Variants in DDX43 observed in about 807,000 individuals in gnomAD.
DDX43 encodes DEAD-box helicase 43.
Under a neutral mutation model 84.9 loss-of-function variants are expected in DDX43, and 50 were observed. That is an observed-to-expected ratio of 0.59 (90% CI 0.47 to 0.75). DDX43 has a LOEUF of 0.75. DDX43 is among the 30% of genes least tolerant of loss of function. The pLI, the probability that DDX43 is intolerant of heterozygous loss-of-function variation, is 0.00. For synonymous variants in DDX43, 291 were observed against 266.3 expected (o/e 1.09, Z -0.90); for missense variants, 689 against 798.6 (o/e 0.86, Z 1.65).
rs559617944 is a variant in DDX43, at chr6:73,408,948, T to C, written c.1180-300T>C. Among the ~76,000 whole-genome samples, 4 of 152,346 alleles carry C rather than the reference T, an allele frequency of 2.6e-5. No homozygotes were observed. In the East Asian group the frequency reaches 7.7e-4, roughly 29 times the overall value. ...GACTTCTATTTGAAATTATCATGCATGTTTACTTTAAATTTTGGAAAATAG... is the reference window on the plus strand; with the variant it reads ...GACTTCTATTTGAAATTATCATGCACGTTTACTTTAAATTTTGGAAAATAG... On this transcript the variant is annotated intron_variant, in intron 9 of 16. Transcript: ENST00000370336.
At position 73,400,321 on chromosome 6, in the gene DDX43, G is replaced by A. The variant is rs749895377; in HGVS notation, c.394G>A (p.Val132Ile). Residue 132 changes from valine to isoleucine, a missense_variant, in exon 3 of 17, where the codon GTT becomes ATT. Coordinates refer to ENST00000370336, the MANE Select transcript of DDX43 (RefSeq NM_018665.3). ...AGCAAAAGCAGTGATAGACAATTTT[G>A]TTAAAAAGCTAGAAGAAAATTACAA... is the stretch of plus-strand genomic sequence containing the variant. ...TKAKAVIDNF[V>I]KKLEENYNSE... 6.2e-7 allele frequency: 1 copy of A among 1,606,890 alleles called. No individual in the cohort carries two copies. Among genetic ancestry groups the A allele is most frequent in the Non-Finnish European group, 8.5e-7 (1 of 1,177,690 alleles).
In DDX43 at chr6:73,406,433, A is replaced by G; in HGVS notation, c.877A>G (p.Thr293Ala). 6.2e-7 allele frequency: 1 copy of G among 1,613,792 alleles called. No homozygotes were observed. The highest frequency in any genetic ancestry group is 8.5e-7 in the Non-Finnish European group (1 of 1,179,736). Residue 293 changes from threonine (T) to alanine (A), a missense_variant, in exon 7 of 17, where the codon ACA becomes GCA. Thr to Ala is a moderately conservative substitution (Grantham distance 58). Coordinates refer to ENST00000370336, the MANE Select transcript of DDX43 (RefSeq NM_018665.3). ...IGVAQTGTGKTLCYLMPGFIH... is the reference protein window; with the variant it reads ...IGVAQTGTGKALCYLMPGFIH... ...AGTAGCCCAGACTGGAACAGGAAAG[A>G]CATTGTGTTATTTAATGCCTGGATT...
At chr6:73,411,501 G>A (rs1226207022) in intron 10 of DDX43, among the ~76,000 whole-genome samples, 10 of 151,388 alleles carry the variant, frequency 6.6e-5, no homozygotes, top group Admixed American at 5.9e-4. Flanking sequence ...ACTTATTTTT[G>A]TATTTTTAGT....
intron 16 of DDX43, among the ~76,000 whole-genome samples, chr6:73,416,471 G>C (rs80016090): frequency 0.011 from 1,697 of 152,238 alleles, 38 homozygotes; most frequent in African/African-American, 0.039. Context: ...TAATAGTCAA[G>C]GGTATACAAC....
chr6:73,412,767 A>G (rs1769828590), intron 11 of DDX43, among the ~76,000 whole-genome samples: 1 of 148,828 alleles, frequency 6.7e-6, no homozygotes, highest in African/African-American at 2.5e-5. Flanking sequence ...GTCTCACTGT[A>G]TTGCCCAGGC....
At chr6:73,396,606 A>G (rs930318129) in intron 1 of DDX43, among the ~76,000 whole-genome samples, 1 of 152,198 alleles carries the variant, frequency 6.6e-6, no homozygotes, top group African/African-American at 2.4e-5. Flanking sequence ...CATCTTTTTT[A>G]TTGTAAAAAA....
At chr6:73,404,075 T>C (rs1769628167) in intron 4 of DDX43, among the ~76,000 whole-genome samples, 2 of 151,772 alleles carry the variant, frequency 1.3e-5, no homozygotes, top group Admixed American at 1.3e-4. Context: ...AGCCTTGGCC[T>C]CCCAAAAGTG....
intron 11 of DDX43, 148 bp from the exon 12 acceptor site, chr6:73,413,510 G>A: frequency 1.6e-6 from 1 of 642,930 alleles, no homozygotes; most frequent in South Asian, 2.8e-5. Context: ...AGTAGAAACA[G>A]GTAATTTTTT....
chr6:73,412,288 T>G lies in DDX43; in HGVS notation c.1364T>G (p.Leu455Arg), dbSNP rs1275276583. The change falls in exon 11 of 17, where the codon CTA becomes CGA. Residue 455 changes from leucine to arginine, a missense_variant. Physicochemically the swap from Leu to Arg is moderately radical, Grantham distance 102. Coordinates refer to ENST00000370336, the MANE Select transcript of DDX43 (RefSeq NM_018665.3). ...ATTGTCTATGTTGGTACATTGGATC[T>G]AGTTGTAAGCTTTTTTTTATTACTA... is the stretch of plus-strand genomic sequence containing the variant. ...PMIVYVGTLD[L>R]VAVSSVKQNI... The G allele has an allele frequency of 6.2e-7, 1 of 1,605,910 alleles. No individual in the cohort carries two copies.
chr6:73,401,286 A>G (rs571508), intron 3 of DDX43, among the ~76,000 whole-genome samples: 143,635 of 152,276 alleles, frequency 0.94, 68,315 homozygotes, highest in East Asian at 1. Flanking sequence ...CTCTTCATCT[A>G]CTCATCTGAG....
chr6:73,416,891 T>C (rs902343347), intron 16 of DDX43, among the ~76,000 whole-genome samples: 1 of 152,012 alleles, frequency 6.6e-6, no homozygotes, highest in Non-Finnish European at 1.5e-5. Flanking sequence ...ATACAAAAAT[T>C]AGCCAGGCAT....
At chr6:73,395,497 C>G (rs1423966938) in intron 1 of DDX43, among the ~76,000 whole-genome samples, 2 of 151,750 alleles carry the variant, frequency 1.3e-5, no homozygotes, top group Non-Finnish European at 2.9e-5. Context: ...GCCTGTAATC[C>G]CAGATACTCC....
chr6:73,408,098 C>G lies in DDX43; in HGVS notation c.1176C>G (p.Tyr392Ter). The G allele has an allele frequency of 6.2e-7, 1 of 1,613,380 alleles. No homozygotes were observed. The highest frequency in any genetic ancestry group is 8.5e-7 in the Non-Finnish European group (1 of 1,179,800). ...TCGTCAATCTGAAGAATATAACCTA[C>G]TTGGTAATCATGGAAATAGGGGTTT... ...SNFVNLKNIT[Y>*]LVLDEADKML... The change falls in exon 9 of 17, where the codon TAC becomes TAG. Residue 392 changes from tyrosine to a stop codon, truncating the protein, a stop_gained. Coordinates refer to ENST00000370336, the MANE Select transcript of DDX43 (RefSeq NM_018665.3). LOFTEE classifies it high-confidence loss of function.
At chr6:73,414,521 C>T (rs775418842) in intron 13 of DDX43, 27 bp from the exon 14 acceptor site, 2 of 1,595,614 alleles carry the variant, frequency 1.3e-6, no homozygotes, top group South Asian at 2.2e-5. Flanking sequence ...CAGAATGGTT[C>T]AGTGTTCATT....
intron 11 of DDX43, among the ~76,000 whole-genome samples, chr6:73,412,864 G>A (rs986724723): frequency 1.1e-4 from 17 of 151,992 alleles, no homozygotes; most frequent in Non-Finnish European, 4.4e-5. Context: ...CTGAGTAGCT[G>A]GGGTTACAAA....
At chr6:73,396,405 G>A (rs1251035969) in intron 1 of DDX43, among the ~76,000 whole-genome samples, 1 of 152,146 alleles carries the variant, frequency 6.6e-6, no homozygotes, top group Non-Finnish European at 1.5e-5. Context: ...CTACAAAATA[G>A]TGCATTGTAA....
At chr6:73,411,932 A>C (rs961608871) in intron 10 of DDX43, among the ~76,000 whole-genome samples, 2 of 152,176 alleles carry the variant, frequency 1.3e-5, no homozygotes, top group African/African-American at 4.8e-5. Flanking sequence ...TCCTGACCTC[A>C]GGTGATCCAC....
At chr6:73,402,026 T>C in intron 4 of DDX43, 36 bp downstream of exon 4, 1 of 1,609,618 alleles carries the variant, frequency 6.2e-7, no homozygotes, top group Middle Eastern at 1.7e-4. Context: ...ATATATTGTT[T>C]CTGTTAACTG....
At chr6:73,404,917 C>A in intron 5 of DDX43, 146 bp downstream of exon 5, 1 of 706,724 alleles carries the variant, frequency 1.4e-6, no homozygotes, top group Non-Finnish European at 2.3e-6. Flanking sequence ...TATTTTAGAA[C>A]ATTGTTGTCT....
Sources: allele counts gnomAD v4.1 joint callset (sites outside exome capture counted in the v4.1 genomes callset), GRCh38; gene constraint gnomAD v4.1.1; transcripts MANE v1.5; gene names NCBI Gene and HGNC (gene_info 2026-07-23, HGNC 2026-07-21).